LRRC56: variants seen among roughly 807,000 people sequenced by gnomAD.
The protein encoded by LRRC56 is leucine rich repeat containing 56.
Under a neutral mutation model 47.8 loss-of-function variants are expected in LRRC56, and 41 were observed. The observed-to-expected ratio is 0.86, with a 90% confidence interval of 0.67 to 1.11. The LOEUF (loss-of-function observed/expected upper bound fraction) is 1.11, where lower values mean the gene tolerates loss of function less well. LRRC56 is among the 50% of genes most tolerant of loss of function. The probability of loss-of-function intolerance (pLI) is 0.00; values close to 1 mark genes in which losing one functional copy is unlikely to be tolerated. For missense variants in LRRC56, 759 were observed against 704.2 expected, an observed-to-expected ratio of 1.08 and a Z score of -0.88; for synonymous variants, 387 against 311.2, an observed-to-expected ratio of 1.24 and a Z score of -2.56.
intron 6 of LRRC56, among the ~76,000 whole-genome samples, chr11:548,340 G>A (rs553511985): frequency 4.6e-5 from 7 of 152,316 alleles, no homozygotes; most frequent in Admixed American, 2.6e-4. Context: ...GAGTGCAGTG[G>A]TGCGACCATG....
At chr11:532,452 C>A in the LRRC56 span, 1 of 834,818 alleles carries the variant, frequency 1.2e-6, no homozygotes, top group Non-Finnish European at 1.9e-6. Context: ...TCCTTGCTTC[C>A]GTCCTTCCTT....
rs781313107 is a variant in LRRC56 at position 551,776 on chromosome 11, C to G, written c.922C>G (p.Leu308Val). 2.5e-6 allele frequency: 4 copies of G among 1,610,410 alleles called. No individual in the cohort carries two copies. The African/African-American group carries it at 5.3e-5, about 22-fold the overall frequency. Residue 308 changes from leucine to valine, a missense_variant, in exon 10 of 14, where the codon CTG becomes GTG. Coordinates refer to ENST00000270115, the MANE Select transcript of LRRC56 (RefSeq NM_198075.4). ...LVRGGPLPEG[L>V]LSEDLAPEDN... ...CCGTGGGGGCCCCCTGCCTGAAGGC[C>G]TGCTTTCTGAGGACCTGGCCCCAGA...
chr11:551,343 G>C, intron 9 of LRRC56, 41 bp downstream of exon 9: 4 of 1,404,450 alleles, frequency 2.8e-6, no homozygotes, highest in Non-Finnish European at 3.8e-6. Flanking sequence ...CTGAGCCCCA[G>C]CTCCCCCCAG....
Position 538,708 on chromosome 11 carries a change from G to C in LRRC56, c.-311G>C, listed in dbSNP as rs1444866627. 1.3e-5 allele frequency: 2 copies of C among 152,278 alleles called. No individual in the cohort carries two copies. The highest frequency in any genetic ancestry group is 3.8e-4 in the East Asian group (2 of 5,200). The allele number at this position is 152,278 out of a possible 1,614,324, so 9.4% of individuals were successfully genotyped here. A position where few individuals can be genotyped will look rare whatever the true frequency, so the allele number is the denominator to read the frequency against. On this transcript the variant is annotated 5_prime_UTR_variant, in exon 2 of 14. Transcript: ENST00000270115. ...AGCCATGGCCAGAACGTTCTAAGTG[G>C]CTACATGTGCATCTGCCTGTTCACG...
upstream of LRRC56, chr11:533,858 G>A (rs1851279330): frequency 1.2e-6 from 2 of 1,613,252 alleles, no homozygotes; most frequent in Non-Finnish European, 8.5e-7. Context: ...GGTCCCGCAT[G>A]GCGCTGTACT....
chr11:518,079 G>C, the LRRC56 span, among the ~76,000 whole-genome samples: 3 of 152,090 alleles, frequency 2.0e-5, no homozygotes, highest in African/African-American at 7.2e-5. Context: ...CTTTGTTCAC[G>C]TGTTTATCTG....
the LRRC56 span, chr11:506,996 C>G: frequency 6.6e-6 from 1 of 152,398 alleles, no homozygotes; most frequent in South Asian, 2.1e-4. Context: ...GGGAGCGCGC[C>G]ACTCGCCCGC....
At chr11:509,005 A>G in the LRRC56 span, among the ~76,000 whole-genome samples, 1 of 152,194 alleles carries the variant, frequency 6.6e-6, no homozygotes, top group African/African-American at 2.4e-5. Context: ...AGATCGTGCC[A>G]CTGTACTCCA....
intron 7 of LRRC56, 26 bp downstream of exon 7, chr11:550,024 G>A (rs756383564): frequency 1.9e-6 from 3 of 1,611,562 alleles, no homozygotes; most frequent in Middle Eastern, 1.7e-4. Flanking sequence ...CTGGGCTGGG[G>A]AGGCCTGGGC....
chr11:536,025 G>GC (rs530392907), upstream of LRRC56, among the ~76,000 whole-genome samples: 182 of 152,300 alleles, frequency 1.2e-3, no homozygotes, highest in South Asian at 6.6e-3. Flanking sequence ...GGAGCTGGGG[G>GC]CCCCCGGGTG....
At chr11:516,275 C>G in the LRRC56 span, among the ~76,000 whole-genome samples, 5 of 152,260 alleles carry the variant, frequency 3.3e-5, no homozygotes, top group African/African-American at 9.6e-5. Context: ...CGCCTGTAAT[C>G]CCAGCTACTC....
the LRRC56 span, among the ~76,000 whole-genome samples, chr11:508,359 C>T: frequency 1.2e-4 from 18 of 152,194 alleles, no homozygotes; most frequent in African/African-American, 2.2e-4. Flanking sequence ...AAGAGGTCTC[C>T]CTGTGTTGCC....
the LRRC56 span, among the ~76,000 whole-genome samples, chr11:510,699 T>C: frequency 6.6e-6 from 1 of 151,362 alleles, no homozygotes; most frequent in African/African-American, 2.4e-5. Flanking sequence ...GATCACGCCA[T>C]TGCACTCCAG....
At chr11:553,071 C>T (rs1482216315) in intron 13 of LRRC56, among the ~76,000 whole-genome samples, 2 of 152,242 alleles carry the variant, frequency 1.3e-5, no homozygotes, top group East Asian at 1.9e-4. Context: ...TTCAGGGACA[C>T]AGGCATGAGT....
At chr11:524,364 G>T in the LRRC56 span, among the ~76,000 whole-genome samples, 1 of 152,180 alleles carries the variant, frequency 6.6e-6, no homozygotes, top group Admixed American at 6.6e-5. Flanking sequence ...GGGCGCGGTG[G>T]CTCACACCTG....
chr11:533,225 C>G, upstream of LRRC56: 2 of 1,470,018 alleles, frequency 1.4e-6, no homozygotes, highest in South Asian at 1.2e-5. Context: ...GGGCGTGAGC[C>G]CAGACCCCGG....
the LRRC56 span, among the ~76,000 whole-genome samples, chr11:525,592 C>G: frequency 6.6e-6 from 1 of 151,270 alleles, no homozygotes; most frequent in Admixed American, 6.6e-5. Flanking sequence ...AATTAAAAAA[C>G]CAGTTTCCAA....
At chr11:527,840 ACAGTCATCCAC>A in the LRRC56 span, among the ~76,000 whole-genome samples, 1 of 151,696 alleles carries the variant, frequency 6.6e-6, no homozygotes, top group Admixed American at 6.6e-5. Flanking sequence ...AGCTGGGATT[ACAGTCATCCAC>A]CACCACACCC....
upstream of LRRC56, chr11:534,471 G>A (rs1851333618): frequency 3.1e-6 from 2 of 655,722 alleles, no homozygotes; most frequent in South Asian, 1.8e-5. Context: ...AACCCACAGC[G>A]GTCCCTGGGC....
Sources: allele counts gnomAD v4.1 joint callset (sites outside exome capture counted in the v4.1 genomes callset), GRCh38; gene constraint gnomAD v4.1.1; transcripts MANE v1.5; gene names NCBI Gene and HGNC (gene_info 2026-07-23, HGNC 2026-07-21).